The following DPP10 variants were observed in gnomAD, a reference collection of about 807,000 sequenced individuals.
DPP10 encodes dipeptidyl peptidase like 10, also known as inactive dipeptidyl peptidase 10.
A neutral mutation model predicts 120.9 loss-of-function variants in DPP10; 33 were observed. That is an observed-to-expected ratio of 0.27 (90% confidence interval 0.21 to 0.37). The LOEUF (loss-of-function observed/expected upper bound fraction) is 0.37, where lower values mean the gene tolerates loss of function less well. DPP10 is among the 10% of genes least tolerant of loss of function. The probability of loss-of-function intolerance (pLI) is 1.00; values close to 1 mark genes in which losing one functional copy is unlikely to be tolerated. For missense variants in DPP10, 816 were observed against 942.8 expected (o/e 0.87, Z 1.76); for synonymous variants, 337 against 326.1 (o/e 1.03, Z -0.36).
chr2:115,690,514 G>C (rs555223864), intron 7 of DPP10, among the ~76,000 whole-genome samples: 44 of 152,276 alleles, frequency 2.9e-4, no homozygotes, highest in Non-Finnish European at 5.6e-4. Flanking sequence ...CCAGGTTTAA[G>C]CAATTCTTGT....
At chr2:114,894,451 T>C (rs1274402055) in intron 1 of DPP10, among the ~76,000 whole-genome samples, 1 of 152,184 alleles carries the variant, frequency 6.6e-6, no homozygotes, top group Non-Finnish European at 1.5e-5. Flanking sequence ...ATTCCGTTCA[T>C]TCAATAGGCC....
At chr2:115,242,007 A>T (rs558122049) in intron 1 of DPP10, among the ~76,000 whole-genome samples, 265 of 152,086 alleles carry the variant, frequency 1.7e-3, no homozygotes, top group Middle Eastern at 6.8e-3. Flanking sequence ...CAGTTTTTTT[A>T]AAAAAAATTT....
At position 115,333,731 on chromosome 2, in the gene DPP10, T is replaced by C. The variant is rs971209410; in HGVS notation, c.176-10086T>C. Among the ~76,000 whole-genome samples, 4 of 152,224 alleles carry C rather than the reference T, an allele frequency of 2.6e-5. No homozygotes were observed. The South Asian group carries it at 8.3e-4, about 32-fold the overall frequency. ...ATTCTGGGTTGAAAATTCTTTTCTT[T>C]AGGAATGTTGAATATTGGCCCCCAC... On this transcript the variant is annotated intron_variant, in intron 2 of 25. Transcript: ENST00000410059.
At chr2:115,249,448 C>G (rs1049797389) in intron 1 of DPP10, among the ~76,000 whole-genome samples, 12 of 152,182 alleles carry the variant, frequency 7.9e-5, no homozygotes, top group African/African-American at 2.6e-4. Flanking sequence ...ACATAGAATG[C>G]ATGGCCTCTT....
chr2:115,595,549 G>A (rs2082936076), intron 5 of DPP10, among the ~76,000 whole-genome samples: 1 of 152,018 alleles, frequency 6.6e-6, no homozygotes, highest in South Asian at 2.1e-4. Flanking sequence ...CTGTGTCAGT[G>A]TGCTTTTGAT....
At chr2:114,558,516 T>C (rs957737447) in intron 1 of DPP10, among the ~76,000 whole-genome samples, 3 of 152,254 alleles carry the variant, frequency 2.0e-5, no homozygotes, top group African/African-American at 7.2e-5. Flanking sequence ...CAATTTAAAG[T>C]AATCCATCCA....
intron 1 of DPP10, among the ~76,000 whole-genome samples, chr2:115,033,893 C>CTTTT (rs965717193): frequency 9.6e-4 from 86 of 89,858 alleles, no homozygotes; most frequent in East Asian, 2.1e-3. Context: ...TTTTCTTTTT[C>CTTTT]TTTTTTTTTT....
intron 3 of DPP10, among the ~76,000 whole-genome samples, chr2:115,353,741 G>C (rs1002742889): frequency 5.9e-5 from 9 of 152,112 alleles, no homozygotes; most frequent in Admixed American, 6.6e-5. Context: ...TTATACATGA[G>C]TAACTTGAGA....
At chr2:115,252,013 C>T (rs1241491491) in intron 1 of DPP10, among the ~76,000 whole-genome samples, 1 of 152,176 alleles carries the variant, frequency 6.6e-6, no homozygotes, top group Non-Finnish European at 1.5e-5. Context: ...AGTTTCATGC[C>T]TATCAGTTTT....
intron 1 of DPP10, among the ~76,000 whole-genome samples, chr2:115,259,881 T>TA (rs1404528891): frequency 6.6e-6 from 1 of 152,122 alleles, no homozygotes; most frequent in African/African-American, 2.4e-5. Flanking sequence ...TTTCTTTACT[T>TA]ACAAATGTTT....
Position 115,845,162 on chromosome 2 carries a change from T to A in DPP10, c.*2817T>A, listed in dbSNP as rs982007854. ...TGTTGGGCTTGGAGACAGAAGTACC[T>A]TGGACTGAATTGCTTTCAAGTCTCT... is the stretch of plus-strand genomic sequence containing the variant. On this transcript the variant is annotated 3_prime_UTR_variant, in exon 26 of 26. Transcript: ENST00000410059. 2 of 152,210 alleles carry A rather than the reference T, an allele frequency of 1.3e-5. No homozygotes were observed. Among genetic ancestry groups the A allele is most frequent in the African/African-American group, 4.8e-5 (2 of 41,442 alleles). 9.4% of individuals were successfully genotyped at this position (152,210 alleles called of 1,614,324 possible). A position where few individuals can be genotyped will look rare whatever the true frequency, so the allele number is the denominator to read the frequency against.
Position 115,188,405 on chromosome 2 carries a change from A to G in DPP10, c.61-120834A>G, listed in dbSNP as rs373153976. Among the ~76,000 whole-genome samples, 179 of 152,274 alleles carry G rather than the reference A, an allele frequency of 1.2e-3. 1 individual carries two copies. The highest frequency in any genetic ancestry group is 4.1e-3 in the African/African-American group (171 of 41,558). Reference sequence around the variant, plus strand: ...TTTCTGTATAAAGAAGTTTGGGCTAATATCTAGAACTACATTATGGTAAAT... The same window carrying G: ...TTTCTGTATAAAGAAGTTTGGGCTAGTATCTAGAACTACATTATGGTAAAT... On this transcript the variant is annotated intron_variant, in intron 1 of 25. Coordinates refer to ENST00000410059, the MANE Select transcript of DPP10 (RefSeq NM_020868.6).
chr2:114,827,423 C>T (rs562527183), intron 1 of DPP10, among the ~76,000 whole-genome samples: 2 of 152,238 alleles, frequency 1.3e-5, no homozygotes, highest in African/African-American at 4.8e-5. Flanking sequence ...AACTGGGGTA[C>T]TGACTTGTTG....
chr2:115,714,534 C>A (rs2092426884), intron 7 of DPP10, among the ~76,000 whole-genome samples: 1 of 152,166 alleles, frequency 6.6e-6, no homozygotes, highest in African/African-American at 2.4e-5. Flanking sequence ...TGTGCGTTTT[C>A]CCTACATCTC....
intron 1 of DPP10, among the ~76,000 whole-genome samples, chr2:115,152,557 TA>T (rs1327715741): frequency 6.6e-6 from 1 of 152,198 alleles, no homozygotes; most frequent in Non-Finnish European, 1.5e-5. Context: ...TATGTAACAG[TA>T]AAAAATAGAT....
In DPP10 at chr2:114,645,802, G is replaced by A. The variant is rs536430721; in HGVS notation, c.60+202964G>A. ...GCCCTAAATATTTCTAACTTGTATGGCACCTGGGAACAAATCAAATTATCT... is the reference window on the plus strand; with the variant it reads ...GCCCTAAATATTTCTAACTTGTATGACACCTGGGAACAAATCAAATTATCT... On this transcript the variant is annotated intron_variant, in intron 1 of 25. Transcript: ENST00000410059. Among the ~76,000 whole-genome samples, 10 of 152,218 alleles carry A rather than the reference G, an allele frequency of 6.6e-5. No individual in the cohort carries two copies. In the South Asian group the frequency reaches 2.1e-3, roughly 32 times the overall value.
chr2:115,838,201 C>A (rs991805563), intron 24 of DPP10, among the ~76,000 whole-genome samples: 4 of 151,960 alleles, frequency 2.6e-5, no homozygotes, highest in Middle Eastern at 3.2e-3. Context: ...TGATACAGTA[C>A]CAGTGTTGGG....
chr2:115,269,731 G>A (rs565110033), intron 1 of DPP10, among the ~76,000 whole-genome samples: 4 of 152,114 alleles, frequency 2.6e-5, no homozygotes, highest in Non-Finnish European at 4.4e-5. Context: ...CATCACTTCT[G>A]CCACTTTCTA....
chr2:115,074,829 C>A (rs1460901494), intron 1 of DPP10, among the ~76,000 whole-genome samples: 3 of 152,100 alleles, frequency 2.0e-5, no homozygotes, highest in African/African-American at 7.2e-5. Flanking sequence ...ATCAATGGGA[C>A]TTGAAAGAGA....
Sources: gnomAD v4.1 joint callset for allele counts (sites outside exome capture counted in the v4.1 genomes callset) on GRCh38, gnomAD v4.1.1 for gene constraint, MANE v1.5 for transcripts, NCBI Gene and HGNC (gene_info 2026-07-23, HGNC 2026-07-21) for gene names.